DOP1B: variants seen among roughly 807,000 people sequenced by gnomAD.
DOP1B encodes protein DOP1B.
Under a neutral mutation model 233.5 loss-of-function variants are expected in DOP1B, and 174 were observed. The observed-to-expected ratio is 0.75, with a 90% confidence interval of 0.66 to 0.85. DOP1B has a LOEUF of 0.85. Among genes scored for constraint, DOP1B ranks in the 40% least tolerant of loss-of-function variants. DOP1B has a pLI of 0.00. For missense variants in DOP1B, 2,652 were observed against 2,846.6 expected (o/e 0.93, Z 1.56); for synonymous variants, 1,190 against 1,185.6 (o/e 1.00, Z -0.08).
intron 24 of DOP1B, chr21:36,261,575 A>G: frequency 1.0e-6 from 1 of 985,330 alleles, no homozygotes; most frequent in Non-Finnish European, 1.2e-6. Context: ...AGATCTTACA[A>G]TGGCTGCATC....
intron 18 of DOP1B, among the ~76,000 whole-genome samples, chr21:36,243,127 G>A (rs532541296): frequency 4.5e-4 from 68 of 151,932 alleles, no homozygotes; most frequent in Non-Finnish European, 6.9e-4. Context: ...TTACAGGCAC[G>A]CGCCGCCACG....
At chr21:36,204,658 A>ATTTTTTTTTTTTTTTTTTTTTTTTTTT (rs56725433) in intron 4 of DOP1B, among the ~76,000 whole-genome samples, 1 of 115,212 alleles carries the variant, frequency 8.7e-6, no homozygotes, top group Non-Finnish European at 1.7e-5. Context: ...TGACATTTCT[A>ATTTTTTTTTTTTTTTTTTTTTTTTTTT]TTTTTTTTTT....
intron 23 of DOP1B, among the ~76,000 whole-genome samples, chr21:36,259,876 T>G (rs1192936249): frequency 1.3e-5 from 2 of 152,162 alleles, no homozygotes; most frequent in Non-Finnish European, 2.9e-5. Flanking sequence ...TTTAGTTAAT[T>G]AATAGCTGCA....
intron 32 of DOP1B, among the ~76,000 whole-genome samples, chr21:36,286,673 C>T (rs1001087261): frequency 8.5e-6 from 1 of 117,800 alleles, no homozygotes; most frequent in Non-Finnish European, 1.8e-5. Context: ...CACACACACA[C>T]AAAACTGACT....
intron 26 of DOP1B, among the ~76,000 whole-genome samples, chr21:36,265,779 C>G (rs2067224076): frequency 6.6e-6 from 1 of 152,178 alleles, no homozygotes; most frequent in Admixed American, 6.6e-5. Context: ...ATGCTTCTTC[C>G]CCACTGAGGA....
At chr21:36,179,644 A>G (rs905382155) in intron 2 of DOP1B, among the ~76,000 whole-genome samples, 2 of 152,184 alleles carry the variant, frequency 1.3e-5, no homozygotes, top group African/African-American at 4.8e-5. Flanking sequence ...GGAACCAAGT[A>G]GACTGGTAGT....
Position 36,280,495 on chromosome 21 carries a change from A to G in DOP1B, c.6031+149A>G, listed in dbSNP as rs562183569. 12 of 514,948 alleles carry G rather than the reference A, an allele frequency of 2.3e-5. No individual in the cohort carries two copies. In the Admixed American group the frequency reaches 4.9e-4, roughly 21 times the overall value. The allele number at this position is 514,948 out of a possible 1,614,324, so 31.9% of individuals were successfully genotyped here. A position where few individuals can be genotyped will look rare whatever the true frequency, so the allele number is the denominator to read the frequency against. On this transcript the variant is annotated intron_variant, in intron 31 of 36. Transcript: ENST00000691173. ...TGTAATGTGATGTTCATAATATGGC[A>G]GGACTAAATCAATGAGTCTTTTCCA...
intron 2 of DOP1B, among the ~76,000 whole-genome samples, chr21:36,178,405 G>T (rs1396552280): frequency 6.6e-6 from 1 of 151,886 alleles, no homozygotes; most frequent in Middle Eastern, 3.2e-3. Flanking sequence ...AGGCTGAGGT[G>T]GGAGGTTTGC....
intron 23 of DOP1B, among the ~76,000 whole-genome samples, chr21:36,257,820 T>TGTAG (rs1236784828): frequency 7.2e-6 from 1 of 138,476 alleles, no homozygotes; most frequent in Non-Finnish European, 1.5e-5. Context: ...TGTAGATAGA[T>TGTAG]GTAGGTAGGT....
chr21:36,159,244 G>T (rs1389471148), intron 1 of DOP1B, among the ~76,000 whole-genome samples: 1 of 152,136 alleles, frequency 6.6e-6, no homozygotes, highest in East Asian at 1.9e-4. Flanking sequence ...TTGAGGTTGG[G>T]TGTTCGAGAC....
intron 1 of DOP1B, among the ~76,000 whole-genome samples, chr21:36,159,005 A>C (rs8128931): frequency 2.0e-5 from 3 of 150,912 alleles, no homozygotes; most frequent in East Asian, 2.0e-4. Context: ...TGTGGCGGGC[A>C]CCTGTAATCC....
chr21:36,168,888 C>A (rs1601376798), intron 2 of DOP1B: 2 of 451,040 alleles, frequency 4.4e-6, no homozygotes, highest in East Asian at 9.2e-5. Flanking sequence ...TGGTCTCTCC[C>A]TGTGGGTTTT....
At position 36,230,708 on chromosome 21, in the gene DOP1B, AT is replaced by A. The variant is rs763258608; in HGVS notation, c.1929del (p.Phe643LeufsTer5). 1.0e-4 allele frequency: 163 copies of A among 1,614,076 alleles called. No individual in the cohort carries two copies. Among genetic ancestry groups the A allele is most frequent in the Non-Finnish European group, 1.3e-4 (155 of 1,180,052 alleles). On this transcript the variant is annotated frameshift_variant, in exon 14 of 37. Transcript: ENST00000691173. LOFTEE classifies it high-confidence loss of function. ...ELIANFASKN[I>X]FGVQLTASGE... is the part of the protein sequence containing the mutation. ...AATCGCCAACTTTGCCAGCAAGAAC[AT>A]TTTTGGAGTACAGCTGACAGCGTCA...
intron 2 of DOP1B, among the ~76,000 whole-genome samples, chr21:36,186,871 C>T (rs2123443987): frequency 6.6e-6 from 1 of 152,200 alleles, no homozygotes; most frequent in Non-Finnish European, 1.5e-5. Flanking sequence ...GACAGGCTTG[C>T]TCAGATGAGA....
intron 18 of DOP1B, among the ~76,000 whole-genome samples, chr21:36,240,729 A>G (rs538633578): frequency 4.8e-4 from 73 of 152,358 alleles, no homozygotes; most frequent in African/African-American, 1.7e-3. Context: ...TGATGAGTCA[A>G]TTAAACTTCA....
rs1568996068 is a variant in DOP1B, at chr21:36,167,929, C to CTTTTTTTTTTTTTTTTTTTT, written c.138+3062_138+3063insTTTTTTTTTTTTTTTTTTTT. On this transcript the variant is annotated intron_variant, in intron 2 of 36. Transcript: ENST00000691173. ...GGTAAGTCACATTTTCTTTTCTTTT[C>CTTTTTTTTTTTTTTTTTTTT]TTTTCTTTTTCTTTTTTTTTTTTTT... Among the ~76,000 whole-genome samples the CTTTTTTTTTTTTTTTTTTTT allele has an allele frequency of 2.1e-5, 2 of 97,314 alleles. 1 individual carries two copies. 63.8% of individuals were successfully genotyped at this position (97,314 alleles called of 152,430 possible). A position where few individuals can be genotyped will look rare whatever the true frequency, so the allele number is the denominator to read the frequency against.
chr21:36,245,969 A>G lies in DOP1B; in HGVS notation c.3989A>G (p.Tyr1330Cys), dbSNP rs1266239031. 13 of 1,613,868 alleles carry G rather than the reference A, an allele frequency of 8.1e-6. No individual in the cohort carries two copies. Among genetic ancestry groups the G allele is most frequent in the South Asian group, 1.1e-5 (1 of 91,058 alleles). ...TTCCTGCGCTCCTACTACCCTTGCT[A>G]TTTGAAGGTCTCGCACCGAGACATT... The part of the protein sequence containing the change: ...LSFLRSYYPC[Y>C]LKVSHRDILG... The change falls in exon 19 of 37, where the codon TAT becomes TGT. Residue 1330 changes from tyrosine (Y) to cysteine (C), a missense_variant. Coordinates refer to ENST00000691173, the MANE Select transcript of DOP1B (RefSeq NM_001320714.2). This position sits in a 1 kb window ranked among gnomAD's most constrained non-coding sequence, Gnocchi z 5.5.
intron 21 of DOP1B, among the ~76,000 whole-genome samples, chr21:36,250,545 TG>T (rs2067020775): frequency 6.6e-6 from 1 of 152,124 alleles, no homozygotes. Context: ...CGGTGGGCAC[TG>T]CAGGCTGAGA....
chr21:36,268,715 G>A (rs1345882045), intron 26 of DOP1B, among the ~76,000 whole-genome samples: 1 of 152,212 alleles, frequency 6.6e-6, no homozygotes, highest in Admixed American at 6.5e-5. Flanking sequence ...CTGTCACCAG[G>A]CTGGAGTGCA....
Sources: allele counts gnomAD v4.1 joint callset (sites outside exome capture counted in the v4.1 genomes callset), GRCh38; gene constraint gnomAD v4.1.1; non-coding constraint Gnocchi (gnomAD v3.1); transcripts MANE v1.5; gene names NCBI Gene and HGNC (gene_info 2026-07-23, HGNC 2026-07-21).